Variants in IPO7 observed in about 807,000 individuals in gnomAD.
The protein encoded by IPO7 is importin 7.
Under a neutral mutation model 136.4 loss-of-function variants are expected in IPO7, and 13 were observed. That is an observed-to-expected ratio of 0.10 (90% CI 0.06 to 0.15). IPO7 has a LOEUF of 0.15. Ranked by LOEUF, IPO7 falls within the 10% of genes least tolerant of loss-of-function variation. The pLI is 1.00. For missense variants in IPO7, 857 were observed against 1,240.6 expected (o/e 0.69, Z 4.65); for synonymous variants, 403 against 404.4 (o/e 1.00, Z 0.04).
intron 6 of IPO7, among the ~76,000 whole-genome samples, chr11:9,418,909 T>C (rs926039209): frequency 8.5e-5 from 13 of 152,206 alleles, no homozygotes; most frequent in African/African-American, 3.1e-4. Context: ...ACTTAATATA[T>C]TTATAAGATT....
At position 9,408,702 on chromosome 11, in the gene IPO7, TG is replaced by T. The variant is rs772912311; in HGVS notation, c.320+65del. The stretch of plus-strand genomic sequence containing the variant: ...GTAACTTTCAGGGTTTTTTGTTTTT[TG>T]GTTTTTTTTTTTTTTTTTTTTTTTT... On this transcript the variant is annotated intron_variant, in intron 3 of 24. Transcript: ENST00000379719. 162 of 1,003,970 alleles carry T rather than the reference TG, an allele frequency of 1.6e-4. 1 individual carries two copies. Among genetic ancestry groups the T allele is most frequent in the Admixed American group, 2.4e-4 (8 of 32,794 alleles). The allele number at this position is 1,003,970 out of a possible 1,614,324, so 62.2% of individuals were successfully genotyped here. A position where few individuals can be genotyped will look rare whatever the true frequency, so the allele number is the denominator to read the frequency against.
At position 9,422,771 on chromosome 11, in the gene IPO7, G is replaced by A. The variant is rs13377590; in HGVS notation, c.907-235G>A. On this transcript the variant is annotated intron_variant, in intron 8 of 24. Transcript: ENST00000379719. The stretch of plus-strand genomic sequence containing the variant: ...GAGACCAGCCGGGGCAACGTAGTGA[G>A]ACACTGTCTCTAACAACAACAACAA... Among the ~76,000 whole-genome samples, 1,064 of 152,212 alleles carry A rather than the reference G, an allele frequency of 7.0e-3. 11 individuals are homozygous for A. The highest frequency in any genetic ancestry group is 0.024 in the African/African-American group (999 of 41,528).
intron 8 of IPO7, among the ~76,000 whole-genome samples, chr11:9,422,494 G>A (rs887785461): frequency 6.6e-6 from 1 of 152,088 alleles, no homozygotes; most frequent in Non-Finnish European, 1.5e-5. Flanking sequence ...GACCACTAGA[G>A]GTTTGTGGAC....
chr11:9,427,589 C>A lies in IPO7; in HGVS notation c.1336-951C>A, dbSNP rs552997903. Among the ~76,000 whole-genome samples the A allele has an allele frequency of 2.6e-5, 4 of 152,296 alleles. 1 individual carries two copies. Among genetic ancestry groups the A allele is most frequent in the African/African-American group, 9.6e-5 (4 of 41,576 alleles). ...TTCATCTTTTCTATACCTGTTCACC[C>A]ATCCTTCTCTTTGTTTATAAAGTAT... On this transcript the variant is annotated intron_variant, in intron 12 of 24. Coordinates refer to ENST00000379719, the MANE Select transcript of IPO7 (RefSeq NM_006391.3).
intron 1 of IPO7, among the ~76,000 whole-genome samples, chr11:9,396,020 G>T (rs542153377): frequency 6.6e-6 from 1 of 152,090 alleles, no homozygotes; most frequent in South Asian, 2.1e-4. Context: ...ACCATGCCTT[G>T]CTGAAAGTTA....
intron 6 of IPO7, among the ~76,000 whole-genome samples, chr11:9,417,492 G>C (rs1255990327): frequency 6.6e-6 from 1 of 152,020 alleles, no homozygotes; most frequent in Non-Finnish European, 1.5e-5. Flanking sequence ...CCCACGTACA[G>C]AGGAAGAGGA....
In IPO7 at chr11:9,408,428, G is replaced by A. The variant is rs1167350742; in HGVS notation, c.167-58G>A. 3 of 1,165,434 alleles carry A rather than the reference G, an allele frequency of 2.6e-6. No individual in the cohort carries two copies. The African/African-American group carries it at 4.8e-5, about 19-fold the overall frequency. 72.2% of individuals were successfully genotyped at this position (1,165,434 alleles called of 1,614,324 possible). A position where few individuals can be genotyped will look rare whatever the true frequency, so the allele number is the denominator to read the frequency against. On this transcript the variant is annotated intron_variant, in intron 2 of 24. Transcript: ENST00000379719. Reference sequence around the variant, plus strand: ...AATACTTGAGGTATGGACACTTGTGGGATTTTCACAGTACTTTCACAGTAA... The same window carrying A: ...AATACTTGAGGTATGGACACTTGTGAGATTTTCACAGTACTTTCACAGTAA...
At chr11:9,393,534 C>T (rs982871022) in intron 1 of IPO7, among the ~76,000 whole-genome samples, 21 of 152,118 alleles carry the variant, frequency 1.4e-4, no homozygotes, top group Non-Finnish European at 3.1e-4. Flanking sequence ...GCAACCACCA[C>T]CACGTCCGGC....
chr11:9,433,589 G>A lies in IPO7; in HGVS notation c.1901G>A (p.Gly634Glu), dbSNP rs1470833592. 1.2e-6 allele frequency: 2 copies of A among 1,612,116 alleles called. No homozygotes were observed. The highest frequency in any genetic ancestry group is 1.7e-6 in the Non-Finnish European group (2 of 1,179,724). ...DHKEITQQLE[G>E]ICLQVIGTVL... is the part of the protein sequence containing the mutation. ...TTTTAGATAACCCAACAGCTTGAGG[G>A]AATCTGCTTACAGGTCATTGGTACT... The change falls in exon 17 of 25, where the codon GGA (glycine) becomes GAA (glutamate). Residue 634 changes from glycine to glutamate, a missense_variant. Around this residue, in one of 11 missense-constraint regions of IPO7, gnomAD observed 190 missense variants for 249.0 expected, o/e 0.76. Coordinates refer to ENST00000379719, the MANE Select transcript of IPO7 (RefSeq NM_006391.3).
rs143321883 is a variant in IPO7 at position 9,416,904 on chromosome 11, C to T, written c.637-155C>T. Among the ~76,000 whole-genome samples the T allele has an allele frequency of 2.7e-3, 406 of 152,210 alleles. 1 individual carries two copies. The highest frequency in any genetic ancestry group is 5.2e-3 in the Admixed American group (79 of 15,282). On this transcript the variant is annotated intron_variant, in intron 5 of 24. Transcript: ENST00000379719. ...GGCAAGGATGCCCACTCACTGTTTA[C>T]CATTATAGATAACAAGCAAAGAAGT...
intron 4 of IPO7, among the ~76,000 whole-genome samples, chr11:9,410,580 C>A (rs1854954061): frequency 9.5e-6 from 1 of 104,732 alleles, no homozygotes; most frequent in Admixed American, 9.9e-5. Flanking sequence ...TTCACACTCA[C>A]CTATTTCATT....
chr11:9,430,134 C>T (rs1855272611), intron 15 of IPO7, among the ~76,000 whole-genome samples: 1 of 152,092 alleles, frequency 6.6e-6, no homozygotes, highest in East Asian at 1.9e-4. Flanking sequence ...CAGTAATGCT[C>T]ACTCACCTAC....
chr11:9,423,736 G>C, intron 9 of IPO7, 41 bp from the exon 10 acceptor site: 1 of 1,308,104 alleles, frequency 7.6e-7, no homozygotes, highest in South Asian at 1.3e-5. Context: ...GTTTAAATTT[G>C]AAAACTGATG....
intron 5 of IPO7, chr11:9,414,700 A>G (rs1157260594): frequency 7.1e-6 from 1 of 140,384 alleles, no homozygotes; most frequent in Non-Finnish European, 1.3e-5. Context: ...ATCTCGGCTC[A>G]CTGCAACCTC....
Position 9,414,405 on chromosome 11 carries a change from T to A in IPO7, c.630T>A (p.Leu210=). ...AGATATTCAAGATCTTCTATGCTCT[T>A]GTTCAGGTAATATCTGTGAAGCAGT... is the stretch of plus-strand genomic sequence containing the variant. ...QKQIFKIFYA[L]VQYTLPLELI... The change falls in exon 5 of 25, where the codon CTT becomes CTA. Residue 210 remains leucine (L), a synonymous_variant. Coordinates refer to ENST00000379719, the MANE Select transcript of IPO7 (RefSeq NM_006391.3). 6.3e-7 allele frequency: 1 copy of A among 1,597,612 alleles called. No homozygotes were observed. Among genetic ancestry groups the A allele is most frequent in the Non-Finnish European group, 8.5e-7 (1 of 1,172,512 alleles).
At position 9,429,052 on chromosome 11, in the gene IPO7, T is replaced by C. The variant is rs1275313698; in HGVS notation, c.1447T>C (p.Phe483Leu). Residue 483 changes from phenylalanine to leucine, a missense_variant, in exon 14 of 25, where the codon TTT (phenylalanine) becomes CTT (leucine). Phe to Leu is a conservative substitution (Grantham distance 22). This residue lies in a region of IPO7 where 127 missense variants were observed against 222.4 expected (regional missense o/e 0.57). Transcript: ENST00000379719. The part of the protein sequence containing the change: ...RARACWVLHY[F>L]CEVKFKSDQN... ...AAAGGCTTGCTGGGTACTTCACTAT[T>C]TTTGTGAAGTGAAGTTCAAAAGTGA... 6.2e-7 allele frequency: 1 copy of C among 1,613,646 alleles called. No individual in the cohort carries two copies. The highest frequency in any genetic ancestry group is 1.3e-5 in the African/African-American group (1 of 74,914).
At chr11:9,444,428 A>G (rs985526401) in intron 24 of IPO7, among the ~76,000 whole-genome samples, 1 of 151,600 alleles carries the variant, frequency 6.6e-6, no homozygotes, top group African/African-American at 2.4e-5. Context: ...CAGTGGTGCA[A>G]TCTCGGCTCA....
At chr11:9,400,844 C>T (rs1854783817) in intron 1 of IPO7, among the ~76,000 whole-genome samples, 1 of 152,058 alleles carries the variant, frequency 6.6e-6, no homozygotes, top group Non-Finnish European at 1.5e-5. Context: ...CTGGAAAATT[C>T]TCTATAAGAA....
chr11:9,446,927 A>G lies in IPO7; in HGVS notation c.*1733A>G, dbSNP rs945408613. 6.6e-6 allele frequency: 1 copy of G among 152,130 alleles called. No individual in the cohort carries two copies. The highest frequency in any genetic ancestry group is 2.4e-5 in the African/African-American group (1 of 41,420). The allele number at this position is 152,130 out of a possible 1,614,324, so 9.4% of individuals were successfully genotyped here. The stretch of plus-strand genomic sequence containing the variant: ...CTAACGTGTGTGGGTGAAAACTGTT[A>G]ATCAAGTGTTTCTACTCCCCCCCGA... On this transcript the variant is annotated 3_prime_UTR_variant, in exon 25 of 25. Transcript: ENST00000379719.
Sources: allele counts gnomAD v4.1 joint callset (sites outside exome capture counted in the v4.1 genomes callset), GRCh38; gene constraint gnomAD v4.1.1; regional missense constraint gnomAD v4.1.1; transcripts MANE v1.5; gene names NCBI Gene and HGNC (gene_info 2026-07-23, HGNC 2026-07-21).